Variants in BAHCC1 observed in about 807,000 individuals in gnomAD.
BAHCC1 encodes the protein BAH domain and coiled-coil containing 1, also known as BAH and coiled-coil domain-containing protein 1.
BAHCC1 carries 43 observed loss-of-function variants against 88.2 expected under a neutral mutation model. That is an observed-to-expected ratio of 0.49 (90% CI 0.38 to 0.63). BAHCC1 has a LOEUF of 0.63. Ranked by LOEUF, BAHCC1 falls within the 20% of genes least tolerant of loss-of-function variation. BAHCC1 has a pLI of 0.00. For synonymous variants in BAHCC1, 1,510 were observed against 745.5 expected (o/e 2.03, Z -16.71); for missense variants, 3,023 against 1,654.8 (o/e 1.83, Z -14.34).
At position 81,442,464 on chromosome 17, in the gene BAHCC1, G is replaced by A. The variant is rs1555652827; in HGVS notation, c.1115G>A (p.Gly372Asp). ...TTCCCCTGCCTGCAGCTGCACGGGG[G>A]CCCTGACGGGCTCTGCCCGCTGCAG... is the stretch of plus-strand genomic sequence containing the variant. ...GSFPCLQLHG[G>D]PDGLCPLQDK... The change falls in exon 5 of 28, where the codon GGC (glycine) becomes GAC (aspartate). Residue 372 changes from glycine (G) to aspartate (D), a missense_variant. Physicochemically the swap from Gly to Asp is moderately conservative, Grantham distance 94. Transcript: ENST00000675386. 2 of 717,564 alleles carry A rather than the reference G, an allele frequency of 2.8e-6. No homozygotes were observed. Among genetic ancestry groups the A allele is most frequent in the Admixed American group, 2.0e-5 (1 of 49,830 alleles). The allele number at this position is 717,564 out of a possible 1,614,324, so 44.4% of individuals were successfully genotyped here. A position where few individuals can be genotyped will look rare whatever the true frequency, so the allele number is the denominator to read the frequency against.
intron 1 of BAHCC1, chr17:81,395,968 G>T (rs968948277): frequency 6.6e-6 from 1 of 152,260 alleles, no homozygotes; most frequent in African/African-American, 2.4e-5. Context: ...TCGAAGACAG[G>T]ACAGGGACCG....
rs1252230670 is a variant in BAHCC1, at chr17:81,465,624, AG to A, written c.*1810del. ...TCCCCCACACCACAGGCCTCGAAGC[AG>A]GGTGCTGGTGGGTGCCCTGTACCCC... is the stretch of plus-strand genomic sequence containing the variant. On this transcript the variant is annotated 3_prime_UTR_variant, in exon 28 of 28. Coordinates refer to ENST00000675386, the MANE Select transcript of BAHCC1 (RefSeq NM_001377448.1). 6.6e-6 allele frequency: 1 copy of A among 152,286 alleles called. No homozygotes were observed. Among genetic ancestry groups the A allele is most frequent in the African/African-American group, 2.4e-5 (1 of 41,468 alleles). 9.4% of individuals were successfully genotyped at this position (152,286 alleles called of 1,614,324 possible).
intron 2 of BAHCC1, among the ~76,000 whole-genome samples, chr17:81,417,791 C>T (rs2064054423): frequency 6.6e-6 from 1 of 152,214 alleles, no homozygotes; most frequent in African/African-American, 2.4e-5. Context: ...CTGGAAGGTT[C>T]TCCTGAGCCA....
chr17:81,447,916 C>T (rs1447312455), intron 11 of BAHCC1, 68 bp downstream of exon 11: 1 of 702,084 alleles, frequency 1.4e-6, no homozygotes, highest in African/African-American at 1.7e-5. Flanking sequence ...GCCTCAGGGT[C>T]ACCTGGCCAG....
chr17:81,397,952 AG>A (rs1247151765), intron 1 of BAHCC1, among the ~76,000 whole-genome samples: 2 of 152,270 alleles, frequency 1.3e-5, no homozygotes, highest in African/African-American at 4.8e-5. Flanking sequence ...TTTCGGTTAT[AG>A]ATTAAATCAA....
At chr17:81,423,085 G>T (rs933126795) in intron 2 of BAHCC1, among the ~76,000 whole-genome samples, 6 of 151,974 alleles carry the variant, frequency 3.9e-5, no homozygotes, top group African/African-American at 1.2e-4. Flanking sequence ...TTCACCCCCT[G>T]CCCTGGGCCT....
At chr17:81,462,398 C>T (rs2030377711) in intron 26 of BAHCC1, among the ~76,000 whole-genome samples, 2 of 152,218 alleles carry the variant, frequency 1.3e-5, no homozygotes, top group Admixed American at 6.5e-5. Context: ...TCTGTCCTCA[C>T]CAGGGCACTG....
chr17:81,458,116 G>A (rs782531790), intron 17 of BAHCC1, 49 bp from the exon 18 acceptor site: 14 of 711,824 alleles, frequency 2.0e-5, no homozygotes, highest in South Asian at 7.4e-5. Context: ...CCAACCAGCC[G>A]GGTCTCTAGG....
At position 81,410,323 on chromosome 17, in the gene BAHCC1, C is replaced by T. The variant is rs142435658; in HGVS notation, c.178+10406C>T. Among the ~76,000 whole-genome samples, 162 of 152,264 alleles carry T rather than the reference C, an allele frequency of 1.1e-3. 1 individual carries two copies. In the Middle Eastern group the frequency reaches 0.024, roughly 22 times the overall value. ...AGGCAGCGAGACTCCTGAGGGCCCA[C>T]CTCATGCCTCAGGCCCAGGCCCTCT... On this transcript the variant is annotated intron_variant, in intron 2 of 27. Transcript: ENST00000675386.
intron 3 of BAHCC1, among the ~76,000 whole-genome samples, chr17:81,437,213 A>G (rs1490539983): frequency 3.3e-5 from 5 of 152,212 alleles, no homozygotes; most frequent in Non-Finnish European, 5.9e-5. Context: ...GGTTGCCTCA[A>G]ACGTCTTCTC....
intron 1 of BAHCC1, among the ~76,000 whole-genome samples, chr17:81,397,813 T>C (rs575913081): frequency 6.6e-6 from 1 of 152,202 alleles, no homozygotes; most frequent in Non-Finnish European, 1.5e-5. Flanking sequence ...CCAAACGCCT[T>C]TGTATGTAGT....
At chr17:81,431,283 C>T (rs1046073770) in intron 3 of BAHCC1, among the ~76,000 whole-genome samples, 4,552 of 152,268 alleles carry the variant, frequency 0.03, 139 homozygotes, top group African/African-American at 0.079. Context: ...TCCCAGCCTC[C>T]TGTCCCCACT....
intron 2 of BAHCC1, among the ~76,000 whole-genome samples, chr17:81,404,176 T>C (rs948498664): frequency 4.6e-5 from 7 of 152,192 alleles, no homozygotes; most frequent in Middle Eastern, 6.8e-3. Flanking sequence ...TGGATGAGGC[T>C]AAAAATACCC....
chr17:81,458,235 C>T lies in BAHCC1; in HGVS notation c.5112C>T (p.Gly1704=), dbSNP rs1555657911. ...IKRRSVKAKV[G]TTLERAPGQR... The stretch of plus-strand genomic sequence containing the variant: ...GGCGGTCGGTGAAGGCCAAGGTGGG[C>T]ACCACCCTGGAGCGGGCCCCAGGGC... Residue 1704 remains glycine, a synonymous_variant, in exon 18 of 28, where the codon GGC becomes GGT. Transcript: ENST00000675386. 1 of 737,240 alleles carries T rather than the reference C, an allele frequency of 1.4e-6. No individual in the cohort carries two copies. The highest frequency in any genetic ancestry group is 2.6e-5 in the East Asian group (1 of 38,884). 45.7% of individuals were successfully genotyped at this position (737,240 alleles called of 1,614,324 possible).
At chr17:81,450,942 C>T (rs992958381) in intron 11 of BAHCC1, among the ~76,000 whole-genome samples, 1 of 152,204 alleles carries the variant, frequency 6.6e-6, no homozygotes, top group East Asian at 1.9e-4. Context: ...TGTCCCCTCC[C>T]TCTGCACTGA....
chr17:81,408,613 C>T (rs948683763), intron 2 of BAHCC1, among the ~76,000 whole-genome samples: 4 of 152,260 alleles, frequency 2.6e-5, no homozygotes, highest in Admixed American at 2.0e-4. Flanking sequence ...GGAGAGGGGT[C>T]CCCGACTGCT....
In BAHCC1 at chr17:81,456,534, G is replaced by A. The variant is rs201151960; in HGVS notation, c.4807G>A (p.Glu1603Lys). 8.1e-5 allele frequency: 58 copies of A among 715,218 alleles called. No homozygotes were observed. The highest frequency in any genetic ancestry group is 1.4e-4 in the Admixed American group (7 of 49,662). 44.3% of individuals were successfully genotyped at this position (715,218 alleles called of 1,614,324 possible). A position where few individuals can be genotyped will look rare whatever the true frequency, so the allele number is the denominator to read the frequency against. The change falls in exon 16 of 28, where the codon GAG (glutamate) becomes AAG (lysine). Residue 1603 changes from glutamate to lysine, a missense_variant. Coordinates refer to ENST00000675386, the MANE Select transcript of BAHCC1 (RefSeq NM_001377448.1). Reference sequence around the variant, plus strand: ...ACAGCCCAAGGGCCACGGCAGCCGGGAGACACCCAGGTGCCCAGCCCAGCC... The same window carrying A: ...ACAGCCCAAGGGCCACGGCAGCCGGAAGACACCCAGGTGCCCAGCCCAGCC... ...HPQPKGHGSRETPRCPAQPSV... is the reference protein window; with the variant it reads ...HPQPKGHGSRKTPRCPAQPSV...
intron 2 of BAHCC1, among the ~76,000 whole-genome samples, chr17:81,426,029 TTGG>T (rs1425836762): frequency 6.8e-6 from 1 of 146,906 alleles, no homozygotes; most frequent in African/African-American, 2.6e-5. Context: ...GGTGATGTGG[TTGG>T]TGGTGATGTG....
At position 81,456,314 on chromosome 17, in the gene BAHCC1, G is replaced by A; in HGVS notation, c.4587G>A (p.Lys1529=). ...QTASVEKAQC[K]KSSCQGGLAP... Reference sequence around the variant, plus strand: ...GTTCACAGGAGAAGGCGCAGTGTAAGAAGAGCAGCTGTCAGGGCGGGCTGG... The same window carrying A: ...GTTCACAGGAGAAGGCGCAGTGTAAAAAGAGCAGCTGTCAGGGCGGGCTGG... Residue 1529 remains lysine, a synonymous_variant, in exon 16 of 28, where the codon AAG becomes AAA. Transcript: ENST00000675386. 1 of 719,206 alleles carries A rather than the reference G, an allele frequency of 1.4e-6. No homozygotes were observed. Among genetic ancestry groups the A allele is most frequent in the Non-Finnish European group, 2.6e-6 (1 of 386,444 alleles). The allele number at this position is 719,206 out of a possible 1,614,324, so 44.6% of individuals were successfully genotyped here.
Sources: gnomAD v4.1 joint callset for allele counts (sites outside exome capture counted in the v4.1 genomes callset) on GRCh38, gnomAD v4.1.1 for gene constraint, MANE v1.5 for transcripts, NCBI Gene and HGNC (gene_info 2026-07-23, HGNC 2026-07-21) for gene names.